The following TTLL11 variants were observed in gnomAD, a reference collection of about 807,000 sequenced individuals.
TTLL11 encodes the protein tubulin tyrosine ligase like 11.
TTLL11 carries 42 observed loss-of-function variants against 51.7 expected under a neutral mutation model. The ratio of observed to expected loss-of-function variants is 0.81; its 90% CI spans 0.64 to 1.05. TTLL11 has a LOEUF of 1.05. Ranked by LOEUF, TTLL11 falls within the 50% of genes least tolerant of loss-of-function variation. The pLI is 0.00. For synonymous variants in TTLL11, 381 were observed against 383.5 expected (o/e 0.99, Z 0.08); for missense variants, 799 against 940.4 (o/e 0.85, Z 1.97).
chr9:121,889,913 G>C (rs190473828), intron 6 of TTLL11, among the ~76,000 whole-genome samples: 1 of 151,820 alleles, frequency 6.6e-6, no homozygotes, highest in Admixed American at 6.6e-5. Flanking sequence ...CGGGGCGGGG[G>C]GGGAGGTGAG....
At chr9:122,076,342 G>A (rs1410142132) in intron 1 of TTLL11, among the ~76,000 whole-genome samples, 2 of 152,160 alleles carry the variant, frequency 1.3e-5, no homozygotes, top group Non-Finnish European at 2.9e-5. Context: ...TCCGGCCCCC[G>A]AGTGTCTGCT....
intron 6 of TTLL11, among the ~76,000 whole-genome samples, chr9:121,917,375 C>T (rs1485882387): frequency 6.6e-6 from 1 of 151,844 alleles, no homozygotes; most frequent in Non-Finnish European, 1.5e-5. Flanking sequence ...AAGGCTGAGG[C>T]CTGAGGATCA....
chr9:121,942,738 ATTTTTTTTTT>A (rs34352222), intron 6 of TTLL11, among the ~76,000 whole-genome samples: 9 of 97,902 alleles, frequency 9.2e-5, no homozygotes, highest in African/African-American at 2.2e-4. Context: ...AATCTGTCTT[ATTTTTTTTTT>A]TTTTTTTTTT....
intron 6 of TTLL11, among the ~76,000 whole-genome samples, chr9:121,872,863 G>A (rs1838404446): frequency 3.3e-5 from 5 of 152,168 alleles, no homozygotes; most frequent in African/African-American, 7.2e-5. Flanking sequence ...TGGGAGAGGC[G>A]AATGTGCCCA....
rs945960022 is a variant in TTLL11, at chr9:121,817,583, G to A, written c.*5004C>T. 4 of 152,284 alleles carry A rather than the reference G, an allele frequency of 2.6e-5. No individual in the cohort carries two copies. The highest frequency in any genetic ancestry group is 9.6e-5 in the African/African-American group (4 of 41,468). 9.4% of individuals were successfully genotyped at this position (152,284 alleles called of 1,614,324 possible). ...GAGCCCTTCCTGGGGTGCTCAGCAG[G>A]AGAACAGATCAGAGAGCCTCAAGCT... On this transcript the variant is annotated 3_prime_UTR_variant, in exon 9 of 9. Coordinates refer to ENST00000321582, the MANE Select transcript of TTLL11 (RefSeq NM_001139442.2).
chr9:122,086,179 A>G (rs1588269019), intron 1 of TTLL11, among the ~76,000 whole-genome samples: 1 of 152,230 alleles, frequency 6.6e-6, no homozygotes, highest in African/African-American at 2.4e-5. Context: ...ATTTTAATTT[A>G]TAGGAGTTAT....
At chr9:121,964,533 T>C (rs1250302537) in intron 6 of TTLL11, among the ~76,000 whole-genome samples, 1 of 152,100 alleles carries the variant, frequency 6.6e-6, no homozygotes, top group African/African-American at 2.4e-5. Context: ...TCTGACTTCA[T>C]GTGATCCACC....
intron 1 of TTLL11, among the ~76,000 whole-genome samples, chr9:122,071,024 C>T (rs1490742672): frequency 6.6e-6 from 1 of 152,114 alleles, no homozygotes; most frequent in Admixed American, 6.5e-5. Context: ...GTCTCGGGCA[C>T]TCCATTTCCT....
At chr9:121,847,961 G>A (rs766878338) in intron 8 of TTLL11, among the ~76,000 whole-genome samples, 1 of 152,154 alleles carries the variant, frequency 6.6e-6, no homozygotes, top group Non-Finnish European at 1.5e-5. Flanking sequence ...AACACTTTAA[G>A]AGGCCAAAGT....
At chr9:121,975,581 G>A (rs553114649) in intron 4 of TTLL11, among the ~76,000 whole-genome samples, 3 of 152,188 alleles carry the variant, frequency 2.0e-5, no homozygotes, top group East Asian at 3.9e-4. Flanking sequence ...GTGTCGTGGC[G>A]CGAATCTGTA....
intron 6 of TTLL11, among the ~76,000 whole-genome samples, chr9:121,891,721 C>T (rs1394208178): frequency 1.3e-5 from 2 of 152,054 alleles, no homozygotes; most frequent in Non-Finnish European, 2.9e-5. Flanking sequence ...CATTTTACAC[C>T]TGAGGATACA....
rs1049188921 is a variant in TTLL11 at position 121,827,893 on chromosome 9, G to T, written c.1841-5014C>A. Among the ~76,000 whole-genome samples, 5 of 152,236 alleles carry T rather than the reference G, an allele frequency of 3.3e-5. No homozygotes were observed. In the South Asian group the frequency reaches 1.0e-3, roughly 32 times the overall value. On this transcript the variant is annotated intron_variant, in intron 8 of 8. Transcript: ENST00000321582. ...GCAGGGCTGCTGGGGTTCCCCCTGA[G>T]AGTCAAGCTCAGGCTCTGGACTGTC...
intron 6 of TTLL11, among the ~76,000 whole-genome samples, chr9:121,919,987 G>C (rs1254853607): frequency 6.6e-6 from 1 of 151,816 alleles, no homozygotes; most frequent in Non-Finnish European, 1.5e-5. Flanking sequence ...ATGCATTATA[G>C]TAAATTTAAA....
At chr9:121,914,144 A>T (rs1358230978) in intron 6 of TTLL11, among the ~76,000 whole-genome samples, 1 of 152,240 alleles carries the variant, frequency 6.6e-6, no homozygotes, top group Non-Finnish European at 1.5e-5. Context: ...GAAGGAGTTG[A>T]CAAGCTATGG....
chr9:121,957,976 C>A (rs188233754), intron 6 of TTLL11, among the ~76,000 whole-genome samples: 1 of 152,300 alleles, frequency 6.6e-6, no homozygotes. Flanking sequence ...GAGGGGCCAG[C>A]CTGCCATGAA....
intron 6 of TTLL11, among the ~76,000 whole-genome samples, chr9:121,894,257 C>G (rs759865595): frequency 1.3e-5 from 2 of 152,144 alleles, no homozygotes; most frequent in South Asian, 4.1e-4. Context: ...GACACAGAAA[C>G]CTTTCTGGAG....
chr9:122,046,823 A>T (rs1845018639), intron 1 of TTLL11, among the ~76,000 whole-genome samples: 1 of 152,176 alleles, frequency 6.6e-6, no homozygotes, highest in African/African-American at 2.4e-5. Flanking sequence ...AGGAGAACCA[A>T]CCAAGATATG....
At chr9:121,832,223 T>C (rs772081142) in intron 8 of TTLL11, among the ~76,000 whole-genome samples, 1 of 152,194 alleles carries the variant, frequency 6.6e-6, no homozygotes. Context: ...TCAGTTCTGC[T>C]GAGGTGCACC....
intron 3 of TTLL11, among the ~76,000 whole-genome samples, chr9:122,017,649 G>T (rs553064228): frequency 2.4e-4 from 37 of 152,264 alleles, no homozygotes; most frequent in South Asian, 1.7e-3. Context: ...TTTTAGTAGA[G>T]AAGGGGTTTC....
Sources: gnomAD v4.1 joint callset for allele counts (sites outside exome capture counted in the v4.1 genomes callset) on GRCh38, gnomAD v4.1.1 for gene constraint, MANE v1.5 for transcripts, NCBI Gene and HGNC (gene_info 2026-07-23, HGNC 2026-07-21) for gene names.